SEMA5A: variants seen among roughly 807,000 people sequenced by gnomAD.
SEMA5A encodes the protein semaphorin-5A.
Under a neutral mutation model 135.5 loss-of-function variants are expected in SEMA5A, and 55 were observed. That is an observed-to-expected ratio of 0.41 (90% CI 0.33 to 0.51). The LOEUF is 0.51. Among genes scored for constraint, SEMA5A ranks in the 20% least tolerant of loss-of-function variants. The pLI, the probability that SEMA5A is intolerant of heterozygous loss-of-function variation, is 0.37. For synonymous variants in SEMA5A, 580 were observed against 546.5 expected (o/e 1.06, Z -0.85); for missense variants, 1,290 against 1,419.9 (o/e 0.91, Z 1.47).
rs1736041312 is a variant in SEMA5A, at chr5:9,042,946, G to T, written c.3176C>A (p.Thr1059Asn). 1 of 1,613,022 alleles carries T rather than the reference G, an allele frequency of 6.2e-7. No homozygotes were observed. The highest frequency in any genetic ancestry group is 1.3e-5 in the African/African-American group (1 of 74,816). The change falls in exon 23 of 23, where the codon ACC (threonine) becomes AAC (asparagine). Residue 1059 changes from threonine (T) to asparagine (N), a missense_variant. Thr to Asn is a moderately conservative substitution (Grantham distance 65). Coordinates refer to ENST00000382496, the MANE Select transcript of SEMA5A (RefSeq NM_003966.3). ...KYFNPHLTGKTYSNAYFTDLN... is the reference protein window; with the variant it reads ...KYFNPHLTGKNYSNAYFTDLN... ...ATCTGTAAAGTAGGCATTAGAATAGGTCTTCCCAGTGAGATGTGGGTTGAA... is the reference window on the plus strand; with the variant it reads ...ATCTGTAAAGTAGGCATTAGAATAGTTCTTCCCAGTGAGATGTGGGTTGAA...
Position 9,189,027 on chromosome 5 carries a change from A to G in SEMA5A, c.1273+1240T>C, listed in dbSNP as rs1579571222. On this transcript the variant is annotated intron_variant, in intron 11 of 22. Transcript: ENST00000382496. Reference sequence around the variant, plus strand: ...CAGTGGTCACATCTGTCCTTACCTTACCTGACCACTCAGTGGCACTGCCTG... The same window carrying G: ...CAGTGGTCACATCTGTCCTTACCTTGCCTGACCACTCAGTGGCACTGCCTG... 3.9e-5 allele frequency among the ~76,000 whole-genome samples: 6 copies of G among 152,012 alleles called. No individual in the cohort carries two copies. In the South Asian group the frequency reaches 1.0e-3, roughly 26 times the overall value.
chr5:9,252,198 G>A (rs768361523), intron 5 of SEMA5A, among the ~76,000 whole-genome samples: 2 of 152,152 alleles, frequency 1.3e-5, no homozygotes, highest in African/African-American at 4.8e-5. Flanking sequence ...AGCGGGGAAT[G>A]AAATGGTTTG....
chr5:9,093,455 T>A (rs1739146154), intron 16 of SEMA5A, among the ~76,000 whole-genome samples: 1 of 152,170 alleles, frequency 6.6e-6, no homozygotes, highest in Non-Finnish European at 1.5e-5. Context: ...ATGCCTATAA[T>A]CCCAGCACTT....
chr5:9,494,141 G>T (rs1186551122), intron 1 of SEMA5A, among the ~76,000 whole-genome samples: 1 of 152,094 alleles, frequency 6.6e-6, no homozygotes, highest in Non-Finnish European at 1.5e-5. Flanking sequence ...CTTCTCCCTT[G>T]TGCAATTGGT....
chr5:9,443,622 T>C (rs1419159295), intron 1 of SEMA5A, among the ~76,000 whole-genome samples: 2 of 152,252 alleles, frequency 1.3e-5, no homozygotes, highest in Non-Finnish European at 2.9e-5. Flanking sequence ...CTCACATAGT[T>C]ACATTTTTTG....
Position 9,220,707 on chromosome 5 carries a change from A to C in SEMA5A, c.646+3967T>G, listed in dbSNP as rs1038598737. On this transcript the variant is annotated intron_variant, in intron 8 of 22. Transcript: ENST00000382496. ...AGAGTCAAGGACAGGGCAGACGCTC[A>C]AGCCACAGCGTGCACTACCTAAGTA... 3.9e-5 allele frequency among the ~76,000 whole-genome samples: 6 copies of C among 152,230 alleles called. 1 individual carries two copies. In the South Asian group the frequency reaches 8.3e-4, roughly 21 times the overall value.
chr5:9,080,393 G>A (rs1005898771), intron 16 of SEMA5A, among the ~76,000 whole-genome samples: 9 of 151,974 alleles, frequency 5.9e-5, no homozygotes, highest in African/African-American at 1.2e-4. Flanking sequence ...CAGGGGAGCC[G>A]GTTGGGGGTG....
At chr5:9,381,060 C>T (rs1032588274) in intron 2 of SEMA5A, among the ~76,000 whole-genome samples, 2 of 152,120 alleles carry the variant, frequency 1.3e-5, no homozygotes, top group Non-Finnish European at 2.9e-5. Flanking sequence ...GAAGAGCTTA[C>T]AGAGTAGGTT....
At chr5:9,236,472 AG>A (rs1359041869) in intron 6 of SEMA5A, among the ~76,000 whole-genome samples, 1 of 152,200 alleles carries the variant, frequency 6.6e-6, no homozygotes, top group Non-Finnish European at 1.5e-5. Context: ...CAAACACCAC[AG>A]GGAGGAAAAA....
At chr5:9,291,790 T>C (rs2150586069) in intron 5 of SEMA5A, among the ~76,000 whole-genome samples, 1 of 150,580 alleles carries the variant, frequency 6.6e-6, no homozygotes, top group Admixed American at 6.7e-5. Context: ...ACTTTTGGAA[T>C]TTTGGAATTT....
chr5:9,424,361 T>A lies in SEMA5A; in HGVS notation c.-78+13395A>T, dbSNP rs140967497. Among the ~76,000 whole-genome samples, 52 of 152,318 alleles carry A rather than the reference T, an allele frequency of 3.4e-4. No individual in the cohort carries two copies. In the East Asian group the frequency reaches 0.01, roughly 29 times the overall value. On this transcript the variant is annotated intron_variant, in intron 2 of 22. Coordinates refer to ENST00000382496, the MANE Select transcript of SEMA5A (RefSeq NM_003966.3). ...TTGAGATTTTCTGTCACTTTTAAGA[T>A]CACTTCTGAAGTATCAAAGCACTAC...
At chr5:9,206,613 C>A (rs529810579) in intron 8 of SEMA5A, among the ~76,000 whole-genome samples, 75 of 152,128 alleles carry the variant, frequency 4.9e-4, no homozygotes, top group African/African-American at 1.7e-3. Context: ...GATCATTGAG[C>A]AGATCTTTAA....
intron 1 of SEMA5A, among the ~76,000 whole-genome samples, chr5:9,507,812 G>A (rs1005801003): frequency 6.6e-6 from 1 of 152,048 alleles, no homozygotes; most frequent in Non-Finnish European, 1.5e-5. Flanking sequence ...AGACCATCCT[G>A]GCTAACATGG....
chr5:9,500,680 T>G (rs1427773551), intron 1 of SEMA5A, among the ~76,000 whole-genome samples: 3 of 152,218 alleles, frequency 2.0e-5, no homozygotes, highest in Non-Finnish European at 4.4e-5. Flanking sequence ...TTAATATAAC[T>G]ATATCACATG....
chr5:9,400,510 T>TAAATATGTTACATTA (rs1756611188), intron 2 of SEMA5A, among the ~76,000 whole-genome samples: 1 of 87,016 alleles, frequency 1.1e-5, no homozygotes, highest in African/African-American at 5.3e-5. Context: ...CATTTTTTTT[T>TAAATATGTTACATTA]TTTTTTTTTT....
At chr5:9,226,563 C>G (rs1747321255) in intron 7 of SEMA5A, among the ~76,000 whole-genome samples, 1 of 151,346 alleles carries the variant, frequency 6.6e-6, no homozygotes. Flanking sequence ...CAGAATAAGA[C>G]AAAAAAGAAT....
chr5:9,050,333 A>G (rs1736497013), intron 21 of SEMA5A, 77 bp downstream of exon 21: 3 of 1,354,414 alleles, frequency 2.2e-6, no homozygotes, highest in South Asian at 1.5e-5. Context: ...CAGAAAAATT[A>G]TAGAAAACAT....
intron 18 of SEMA5A, among the ~76,000 whole-genome samples, chr5:9,062,319 A>G (rs565444044): frequency 6.6e-6 from 1 of 152,246 alleles, no homozygotes; most frequent in Non-Finnish European, 1.5e-5. Flanking sequence ...GTCTGAAAGG[A>G]GGGCTGAGAG....
intron 1 of SEMA5A, among the ~76,000 whole-genome samples, chr5:9,519,056 A>C (rs1287171578): frequency 6.6e-6 from 1 of 152,184 alleles, no homozygotes; most frequent in East Asian, 1.9e-4. Flanking sequence ...CACTCTTCCC[A>C]GCATATTTAT....
Sources: allele counts gnomAD v4.1 joint callset (sites outside exome capture counted in the v4.1 genomes callset), GRCh38; gene constraint gnomAD v4.1.1; transcripts MANE v1.5; gene names NCBI Gene and HGNC (gene_info 2026-07-23, HGNC 2026-07-21).